The following PTPRN2 variants were observed in gnomAD, a reference collection of about 807,000 sequenced individuals.
PTPRN2 encodes the protein receptor-type tyrosine-protein phosphatase N2.
PTPRN2 carries 74 observed loss-of-function variants against 118.8 expected under a neutral mutation model. That is an observed-to-expected ratio of 0.62 (90% CI 0.52 to 0.76). The LOEUF is 0.76. Among genes scored for constraint, PTPRN2 ranks in the 30% least tolerant of loss-of-function variants. The pLI is 0.00. For synonymous variants in PTPRN2, 641 were observed against 608.0 expected (o/e 1.05, Z -0.80); for missense variants, 1,481 against 1,394.4 (o/e 1.06, Z -0.99).
At chr7:157,820,787 T>G (rs1273335419) in intron 12 of PTPRN2, among the ~76,000 whole-genome samples, 1 of 152,240 alleles carries the variant, frequency 6.6e-6, no homozygotes, top group Non-Finnish European at 1.5e-5. Flanking sequence ...GAGAATGATC[T>G]TGGAGTTATT....
At position 157,781,075 on chromosome 7, in the gene PTPRN2, C is replaced by T. The variant is rs978486717; in HGVS notation, c.1789-98138G>A. ...GGCTCCTTCTAGCCATGCTCACTCCCCTCTGCGGAACAAGACAAGGGCTCC... is the reference window on the plus strand; with the variant it reads ...GGCTCCTTCTAGCCATGCTCACTCCTCTCTGCGGAACAAGACAAGGGCTCC... On this transcript the variant is annotated intron_variant, in intron 12 of 22. Transcript: ENST00000389418. 3.9e-5 allele frequency among the ~76,000 whole-genome samples: 6 copies of T among 152,216 alleles called. No individual in the cohort carries two copies. The East Asian group carries it at 9.6e-4, about 24-fold the overall frequency.
At chr7:157,924,345 C>T (rs1563243004) in intron 11 of PTPRN2, among the ~76,000 whole-genome samples, 1 of 152,340 alleles carries the variant, frequency 6.6e-6, no homozygotes, top group East Asian at 1.9e-4. Context: ...GAGGACGCCC[C>T]CTCTGACCTG....
intron 12 of PTPRN2, among the ~76,000 whole-genome samples, chr7:157,704,626 G>C (rs1798238409): frequency 6.6e-6 from 1 of 152,174 alleles, no homozygotes; most frequent in African/African-American, 2.4e-5. Context: ...CACGTGGAGG[G>C]AGGGCAGGTG....
rs529419090 is a variant in PTPRN2, at chr7:158,366,733, A to C, written c.164-49801T>G. Among the ~76,000 whole-genome samples the C allele has an allele frequency of 2.0e-5, 3 of 152,028 alleles. No homozygotes were observed. In the South Asian group the frequency reaches 6.2e-4, roughly 32 times the overall value. On this transcript the variant is annotated intron_variant, in intron 2 of 22. Transcript: ENST00000389418. The stretch of plus-strand genomic sequence containing the variant: ...TTTTCAATTTCTGAAATCAGTCGCC[A>C]TTGACGGCCAGGGTTCTCATTCCTG...
At chr7:158,421,772 G>A (rs1000458040) in intron 2 of PTPRN2, among the ~76,000 whole-genome samples, 11 of 152,226 alleles carry the variant, frequency 7.2e-5, no homozygotes, top group Non-Finnish European at 2.9e-5. Context: ...TCTGTTTGAT[G>A]TAAATGAGAT....
intron 3 of PTPRN2, among the ~76,000 whole-genome samples, chr7:158,313,896 T>C (rs1802077537): frequency 6.6e-6 from 1 of 152,222 alleles, no homozygotes; most frequent in Non-Finnish European, 1.5e-5. Flanking sequence ...TAGATATTTT[T>C]CTATCCCTCC....
chr7:158,217,459 T>TC (rs919413462), intron 3 of PTPRN2, among the ~76,000 whole-genome samples: 5 of 152,160 alleles, frequency 3.3e-5, no homozygotes, highest in Admixed American at 1.3e-4. Context: ...AAAAGCCCTA[T>TC]CCCCAGGACA....
At chr7:157,790,632 C>T (rs1804428144) in intron 12 of PTPRN2, among the ~76,000 whole-genome samples, 1 of 151,944 alleles carries the variant, frequency 6.6e-6, no homozygotes, top group African/African-American at 2.4e-5. Context: ...AAGTGAGATT[C>T]CAATATTAAA....
intron 11 of PTPRN2, among the ~76,000 whole-genome samples, chr7:158,071,129 G>A (rs868366514): frequency 5.3e-3 from 369 of 70,010 alleles, no homozygotes; most frequent in East Asian, 0.016. Flanking sequence ...GCCCGTGGTG[G>A]TGGAGGTGCT....
intron 11 of PTPRN2, among the ~76,000 whole-genome samples, chr7:157,933,044 CG>C (rs1799471052): frequency 8.9e-6 from 1 of 112,794 alleles, no homozygotes; most frequent in African/African-American, 3.6e-5. Flanking sequence ...GTTTTAGTGG[CG>C]GGGTGAGTCA....
At chr7:157,555,725 C>T (rs921343029) in intron 21 of PTPRN2, among the ~76,000 whole-genome samples, 5 of 152,200 alleles carry the variant, frequency 3.3e-5, no homozygotes, top group African/African-American at 9.7e-5. Flanking sequence ...CAATGTGTGC[C>T]AAGTGTTCAA....
At chr7:157,782,926 C>G (rs1244891732) in intron 12 of PTPRN2, among the ~76,000 whole-genome samples, 1 of 152,210 alleles carries the variant, frequency 6.6e-6, no homozygotes, top group Non-Finnish European at 1.5e-5. Flanking sequence ...TGTGTCCCCA[C>G]CCAAATCTCA....
intron 11 of PTPRN2, among the ~76,000 whole-genome samples, chr7:157,942,601 C>T (rs571478350): frequency 2.0e-4 from 30 of 152,066 alleles, no homozygotes; most frequent in African/African-American, 6.8e-4. Flanking sequence ...GAATATGACT[C>T]CACCAGCTCC....
chr7:158,140,866 G>A (rs1038729669), intron 6 of PTPRN2, among the ~76,000 whole-genome samples: 18 of 152,212 alleles, frequency 1.2e-4, no homozygotes, highest in African/African-American at 3.6e-4. Context: ...GCCCATTTCC[G>A]AGCTTTGAAG....
chr7:158,074,257 C>T (rs1019186464), intron 11 of PTPRN2, among the ~76,000 whole-genome samples: 4 of 152,220 alleles, frequency 2.6e-5, no homozygotes, highest in Admixed American at 2.6e-4. Flanking sequence ...AGCATCACAG[C>T]CTCCTGCCGA....
intron 3 of PTPRN2, among the ~76,000 whole-genome samples, chr7:158,273,471 C>CGCAGGCACAGGGGGAGCT (rs1798664800): frequency 7.7e-6 from 1 of 129,740 alleles, no homozygotes; most frequent in Non-Finnish European, 1.5e-5. Flanking sequence ...CAGGGGGAGC[C>CGCAGGCACAGGGGGAGCT]GCAGGCACAG....
At chr7:158,341,376 C>A (rs1374941325) in intron 2 of PTPRN2, among the ~76,000 whole-genome samples, 2 of 150,782 alleles carry the variant, frequency 1.3e-5, no homozygotes, top group African/African-American at 2.4e-5. Context: ...AGACGTCACT[C>A]ACACCCACAC....
chr7:158,107,203 C>A (rs1444241522), intron 10 of PTPRN2, among the ~76,000 whole-genome samples: 1 of 152,092 alleles, frequency 6.6e-6, no homozygotes, highest in East Asian at 1.9e-4. Flanking sequence ...GTCCACTGTA[C>A]ATTAAGGTTA....
intron 11 of PTPRN2, among the ~76,000 whole-genome samples, chr7:157,958,198 C>T (rs921294467): frequency 1.1e-4 from 16 of 152,178 alleles, no homozygotes; most frequent in African/African-American, 3.6e-4. Flanking sequence ...AAATTCAACC[C>T]TCTTTCATGA....
Sources: gnomAD v4.1 joint callset for allele counts (sites outside exome capture counted in the v4.1 genomes callset) on GRCh38, gnomAD v4.1.1 for gene constraint, MANE v1.5 for transcripts, NCBI Gene and HGNC (gene_info 2026-07-23, HGNC 2026-07-21) for gene names.